The following TLE1 variants were observed in gnomAD, a reference collection of about 807,000 sequenced individuals.
The protein encoded by TLE1 is TLE family member 1, transcriptional corepressor.
In TLE1, 21 loss-of-function variants were observed where a neutral mutation model predicts 89.8. The observed-to-expected ratio is 0.23, with a 90% CI of 0.17 to 0.34. TLE1 has a LOEUF of 0.34. TLE1 is among the 10% of genes least tolerant of loss of function. The pLI is 1.00. For missense variants in TLE1, 795 were observed against 1,031.2 expected (o/e 0.77, Z 3.14); for synonymous variants, 447 against 407.6 (o/e 1.10, Z -1.16).
chr9:81,667,551 TCCTGAGCAA>T (rs1259488929), intron 4 of TLE1, among the ~76,000 whole-genome samples: 1 of 152,090 alleles, frequency 6.6e-6, no homozygotes, highest in Non-Finnish European at 1.5e-5. Context: ...CCACTCTCCT[TCCTGAGCAA>T]CTTCTTAGGG....
At chr9:81,613,113 C>A (rs1015204381) in intron 12 of TLE1, among the ~76,000 whole-genome samples, 1 of 152,192 alleles carries the variant, frequency 6.6e-6, no homozygotes, top group Non-Finnish European at 1.5e-5. Flanking sequence ...CATTGCATTC[C>A]AGCCTGGGGG....
intron 9 of TLE1, among the ~76,000 whole-genome samples, chr9:81,619,358 T>C (rs969082147): frequency 1.3e-5 from 2 of 152,210 alleles, no homozygotes; most frequent in African/African-American, 4.8e-5. Context: ...TTTGCACATC[T>C]TAGCATTGTG....
chr9:81,592,960 C>G, intron 15 of TLE1, 65 bp downstream of exon 15: 8 of 1,560,256 alleles, frequency 5.1e-6, no homozygotes, highest in Non-Finnish European at 7.0e-6. Flanking sequence ...CAGGCCCACA[C>G]AGCTATTTCC....
At chr9:81,612,637 G>A (rs891925755) in intron 12 of TLE1, among the ~76,000 whole-genome samples, 4 of 152,150 alleles carry the variant, frequency 2.6e-5, no homozygotes, top group African/African-American at 9.7e-5. Flanking sequence ...GCACGGTTGG[G>A]CCAGCCAAAC....
intron 4 of TLE1, among the ~76,000 whole-genome samples, chr9:81,661,700 A>T (rs1830814558): frequency 6.6e-6 from 1 of 151,920 alleles, no homozygotes; most frequent in Non-Finnish European, 1.5e-5. Context: ...TAAACAGATA[A>T]CCTCTAAATC....
chr9:81,673,844 A>T (rs1564068154), intron 4 of TLE1, among the ~76,000 whole-genome samples: 1 of 152,126 alleles, frequency 6.6e-6, no homozygotes, highest in Non-Finnish European at 1.5e-5. Context: ...AAAGCCAAAG[A>T]GCTGAGAAAG....
chr9:81,653,581 A>T lies in TLE1; in HGVS notation c.297+393T>A, dbSNP rs116657110. On this transcript the variant is annotated intron_variant, in intron 5 of 19. Coordinates refer to ENST00000376499, the MANE Select transcript of TLE1 (RefSeq NM_005077.5). Reference sequence around the variant, plus strand: ...CAACTGCCTTGATACATAAGTACAAAAGAACTATCTGCCTCCATAGTAAAG... The same window carrying T: ...CAACTGCCTTGATACATAAGTACAATAGAACTATCTGCCTCCATAGTAAAG... Among the ~76,000 whole-genome samples, 386 of 152,338 alleles carry T rather than the reference A, an allele frequency of 2.5e-3. 3 individuals carry two copies. The highest frequency in any genetic ancestry group is 8.8e-3 in the African/African-American group (364 of 41,572).
At position 81,583,989 on chromosome 9, in the gene TLE1, T is replaced by G; in HGVS notation, c.*209A>C. On this transcript the variant is annotated 3_prime_UTR_variant, in exon 20 of 20. Coordinates refer to ENST00000376499, the MANE Select transcript of TLE1 (RefSeq NM_005077.5). ...CCATGGCCCCTCTGTCCGCTTGGCC[T>G]TGGTGCTCCATTTGGTCTATGTAGA... The G allele has an allele frequency of 1.8e-6, 1 of 557,068 alleles. No individual in the cohort carries two copies. The highest frequency in any genetic ancestry group is 2.3e-5 in the South Asian group (1 of 43,570). 34.5% of individuals were successfully genotyped at this position (557,068 alleles called of 1,614,324 possible). A position where few individuals can be genotyped will look rare whatever the true frequency, so the allele number is the denominator to read the frequency against.
chr9:81,683,803 CA>C (rs1833915735), intron 4 of TLE1, among the ~76,000 whole-genome samples: 1 of 152,080 alleles, frequency 6.6e-6, no homozygotes, highest in Non-Finnish European at 1.5e-5. Flanking sequence ...GGCTCACGGA[CA>C]GACAGTATAT....
intron 6 of TLE1, among the ~76,000 whole-genome samples, chr9:81,637,032 A>C (rs1022251229): frequency 4.0e-5 from 6 of 151,672 alleles, no homozygotes; most frequent in African/African-American, 1.5e-4. Flanking sequence ...AAGAAAAAAA[A>C]AGATTTCCCC....
rs192367135 is a variant in TLE1, at chr9:81,589,914, G to A, written c.1829+891C>T. On this transcript the variant is annotated intron_variant, in intron 16 of 19. Coordinates refer to ENST00000376499, the MANE Select transcript of TLE1 (RefSeq NM_005077.5). ...TCACCCACACGCAGGGACCGGGCCCGGCTCAATGACACTTCATGGATTTCT... is the reference window on the plus strand; with the variant it reads ...TCACCCACACGCAGGGACCGGGCCCAGCTCAATGACACTTCATGGATTTCT... Among the ~76,000 whole-genome samples the A allele has an allele frequency of 1.4e-3, 211 of 152,122 alleles. 2 individuals carry two copies. Among genetic ancestry groups the A allele is most frequent in the Non-Finnish European group, 8.1e-4 (55 of 67,998 alleles).
chr9:81,620,701 G>A (rs1338999997), intron 8 of TLE1, 144 bp from the exon 9 acceptor site: 27 of 1,455,408 alleles, frequency 1.9e-5, no homozygotes, highest in Admixed American at 2.8e-5. Context: ...TAAAGACTTT[G>A]ATGGCAAACA....
At chr9:81,594,043 A>T (rs1423923887) in intron 14 of TLE1, among the ~76,000 whole-genome samples, 1 of 152,154 alleles carries the variant, frequency 6.6e-6, no homozygotes, top group Non-Finnish European at 1.5e-5. Flanking sequence ...AACTTGAAAG[A>T]GGGGAGAGGG....
At chr9:81,635,976 T>A (rs940229232) in intron 6 of TLE1, among the ~76,000 whole-genome samples, 1 of 152,076 alleles carries the variant, frequency 6.6e-6, no homozygotes. Flanking sequence ...CTGGGCAACA[T>A]AGGGAGATTC....
chr9:81,675,770 A>G (rs745837464), intron 4 of TLE1, among the ~76,000 whole-genome samples: 123 of 141,386 alleles, frequency 8.7e-4, no homozygotes, highest in Non-Finnish European at 1.7e-3. Context: ...GCATGATCTC[A>G]GCTCACCACA....
At chr9:81,623,595 A>G (rs529163299) in intron 8 of TLE1, among the ~76,000 whole-genome samples, 16 of 148,054 alleles carry the variant, frequency 1.1e-4, no homozygotes, top group Non-Finnish European at 1.9e-4. Flanking sequence ...CCTGGCCAAC[A>G]TGGTGAAACC....
chr9:81,675,708 G>GTTTTTTTTTTTTTTT (rs61458315), intron 4 of TLE1, among the ~76,000 whole-genome samples: 2 of 132,440 alleles, frequency 1.5e-5, no homozygotes, highest in African/African-American at 6.0e-5. Context: ...GTTTTTTTTT[G>GTTTTTTTTTTTTTTT]TTTTTTTTTT....
Position 81,587,735 on chromosome 9 carries a change from C to T in TLE1, c.1923G>A (p.Arg641=), listed in dbSNP as rs1172187579. The change falls in exon 17 of 20, where the codon AGG becomes AGA. Residue 641 remains arginine, a synonymous_variant. Coordinates refer to ENST00000376499, the MANE Select transcript of TLE1 (RefSeq NM_005077.5). ...LWTGGLDNTV[R]SWDLREGRQL... ...GCCGCCCCTCGCGCAGGTCCCAGGA[C>T]CTGACTGTGTTGTCCAAACCACCCG... 1.2e-6 allele frequency: 2 copies of T among 1,614,148 alleles called. No homozygotes were observed. Among genetic ancestry groups the T allele is most frequent in the Non-Finnish European group, 1.7e-6 (2 of 1,180,024 alleles).
Position 81,616,721 on chromosome 9 carries a change from G to A in TLE1, c.712-22C>T, listed in dbSNP as rs187095223. On this transcript the variant is annotated intron_variant, in intron 9 of 19. Coordinates refer to ENST00000376499, the MANE Select transcript of TLE1 (RefSeq NM_005077.5). ...TGTCCTGGAAAAAAGAAACATTAAC[G>A]CCATTTACTAAAAGCTAAGAATAGG... 223 of 1,613,626 alleles carry A rather than the reference G, an allele frequency of 1.4e-4. No homozygotes were observed. In the East Asian group the frequency reaches 2.2e-3, roughly 16 times the overall value.
Sources: gnomAD v4.1 joint callset for allele counts (sites outside exome capture counted in the v4.1 genomes callset) on GRCh38, gnomAD v4.1.1 for gene constraint, MANE v1.5 for transcripts, NCBI Gene and HGNC (gene_info 2026-07-23, HGNC 2026-07-21) for gene names.